GABBR2: variants seen among roughly 807,000 people sequenced by gnomAD.
GABBR2 encodes the protein G-protein coupled receptor 51.
A neutral mutation model predicts 105.6 loss-of-function variants in GABBR2; 23 were observed. That is an observed-to-expected ratio of 0.22 (90% CI 0.16 to 0.31). GABBR2 has a LOEUF of 0.31. GABBR2 is among the 10% of genes least tolerant of loss of function. The pLI is 1.00. For missense variants in GABBR2, 734 were observed against 1,245.5 expected, an observed-to-expected ratio of 0.59 and a Z score of 6.18; for synonymous variants, 478 against 499.7, an observed-to-expected ratio of 0.96 and a Z score of 0.58.
At chr9:98,468,470 C>T (rs939534771) in intron 6 of GABBR2, among the ~76,000 whole-genome samples, 1 of 151,990 alleles carries the variant, frequency 6.6e-6, no homozygotes, top group Non-Finnish European at 1.5e-5. Flanking sequence ...ATTTCAGGTA[C>T]AAAATTTAAA....
chr9:98,643,144 C>A (rs59673494), intron 1 of GABBR2, among the ~76,000 whole-genome samples: 12,615 of 152,260 alleles, frequency 0.083, 549 homozygotes, highest in African/African-American at 0.097. Context: ...CTGCCATGGG[C>A]AACTGCAGTT....
At chr9:98,686,298 G>A (rs1050452375) in intron 1 of GABBR2, among the ~76,000 whole-genome samples, 1 of 152,082 alleles carries the variant, frequency 6.6e-6, no homozygotes, top group Non-Finnish European at 1.5e-5. Flanking sequence ...GGTATGGCTC[G>A]CCACTGGTCC....
intron 1 of GABBR2, among the ~76,000 whole-genome samples, chr9:98,662,130 A>T (rs1458957255): frequency 6.6e-6 from 1 of 152,234 alleles, no homozygotes; most frequent in African/African-American, 2.4e-5. Flanking sequence ...TTTCCCAGGG[A>T]ATCCAACCTA....
At chr9:98,513,429 T>A (rs1046827270) in intron 3 of GABBR2, among the ~76,000 whole-genome samples, 14 of 152,014 alleles carry the variant, frequency 9.2e-5, no homozygotes, top group Non-Finnish European at 1.8e-4. Context: ...ACTAAAGAAC[T>A]TCTGCACAGC....
chr9:98,597,862 C>T (rs1456409156), intron 1 of GABBR2, among the ~76,000 whole-genome samples: 1 of 152,020 alleles, frequency 6.6e-6, no homozygotes, highest in Non-Finnish European at 1.5e-5. Flanking sequence ...CTCTGTCTCC[C>T]AGGCTGGAGT....
intron 7 of GABBR2, among the ~76,000 whole-genome samples, chr9:98,447,096 C>G (rs1826145344): frequency 7.8e-6 from 1 of 128,242 alleles, no homozygotes; most frequent in Non-Finnish European, 1.6e-5. Flanking sequence ...GAGTCTCGCT[C>G]TGTCGCCCAG....
chr9:98,460,642 A>G (rs1826407671), intron 6 of GABBR2, among the ~76,000 whole-genome samples: 1 of 152,174 alleles, frequency 6.6e-6, no homozygotes, highest in African/African-American at 2.4e-5. Flanking sequence ...AGAAATGAAC[A>G]TAAGAGATAC....
chr9:98,518,045 A>G (rs890959212), intron 3 of GABBR2, among the ~76,000 whole-genome samples: 2 of 152,214 alleles, frequency 1.3e-5, no homozygotes, highest in Non-Finnish European at 2.9e-5. Flanking sequence ...GAGGAGTCAG[A>G]AAGAAGGCGA....
At chr9:98,353,795 T>C (rs750092138) in intron 13 of GABBR2, among the ~76,000 whole-genome samples, 7 of 82,678 alleles carry the variant, frequency 8.5e-5, no homozygotes, top group Admixed American at 1.4e-4. Context: ...GTGGAGGTAA[T>C]TGGATCATGG....
chr9:98,506,812 C>A (rs1827521836), intron 3 of GABBR2, among the ~76,000 whole-genome samples: 1 of 152,150 alleles, frequency 6.6e-6, no homozygotes, highest in African/African-American at 2.4e-5. Flanking sequence ...GTCCAGCTGG[C>A]CTACATGGCA....
At chr9:98,469,269 G>A (rs13440136) in intron 6 of GABBR2, among the ~76,000 whole-genome samples, 4,063 of 152,214 alleles carry the variant, frequency 0.027, 174 homozygotes, top group African/African-American at 0.093. Context: ...CAAGGCAGAA[G>A]GAAAGAGAGA....
intron 16 of GABBR2, among the ~76,000 whole-genome samples, chr9:98,302,332 C>T (rs1830482914): frequency 1.3e-5 from 2 of 152,190 alleles, no homozygotes; most frequent in Non-Finnish European, 2.9e-5. Flanking sequence ...GTGAACAGGA[C>T]ATGCTGTCCA....
chr9:98,506,782 G>A (rs548427530), intron 3 of GABBR2, among the ~76,000 whole-genome samples: 1 of 152,288 alleles, frequency 6.6e-6, no homozygotes, highest in Non-Finnish European at 1.5e-5. Flanking sequence ...AGACCTCATG[G>A]CAGCTCCTAC....
intron 12 of GABBR2, among the ~76,000 whole-genome samples, chr9:98,369,750 G>A (rs1270881767): frequency 6.6e-6 from 1 of 152,136 alleles, no homozygotes; most frequent in Non-Finnish European, 1.5e-5. Context: ...CTGCAGAGGA[G>A]GTGTTGGTAA....
chr9:98,468,680 T>C lies in GABBR2; in HGVS notation c.999+4466A>G, dbSNP rs368966690. Among the ~76,000 whole-genome samples, 33 of 152,196 alleles carry C rather than the reference T, an allele frequency of 2.2e-4. No individual in the cohort carries two copies. In the East Asian group the frequency reaches 3.7e-3, roughly 17 times the overall value. On this transcript the variant is annotated intron_variant, in intron 6 of 18. Transcript: ENST00000259455. Reference sequence around the variant, plus strand: ...AACTCCACACCATAGTTACACAAAGTTAGAGAACTGAGCTGTGAAAGCACC... The same window carrying C: ...AACTCCACACCATAGTTACACAAAGCTAGAGAACTGAGCTGTGAAAGCACC...
chr9:98,459,871 A>G (rs770140750), intron 6 of GABBR2, among the ~76,000 whole-genome samples: 27 of 152,362 alleles, frequency 1.8e-4, no homozygotes, highest in African/African-American at 6.0e-4. Context: ...GCAATTTGCC[A>G]CTACTCTAAC....
chr9:98,446,458 T>C (rs1347602148), intron 7 of GABBR2, among the ~76,000 whole-genome samples: 1 of 152,220 alleles, frequency 6.6e-6, no homozygotes, highest in Non-Finnish European at 1.5e-5. Flanking sequence ...CTGTTTTTAC[T>C]TGACCTTTCA....
intron 7 of GABBR2, among the ~76,000 whole-genome samples, chr9:98,427,608 C>T (rs1022653890): frequency 6.6e-6 from 1 of 152,198 alleles, no homozygotes. Context: ...AGGGCTGGCC[C>T]GTGTAACTTG....
intron 3 of GABBR2, among the ~76,000 whole-genome samples, chr9:98,513,957 C>T (rs1827705847): frequency 6.6e-6 from 1 of 152,196 alleles, no homozygotes; most frequent in South Asian, 2.1e-4. Context: ...CACATGCACA[C>T]ATGTGTTTAT....
Sources: gnomAD v4.1 joint callset for allele counts (sites outside exome capture counted in the v4.1 genomes callset) on GRCh38, gnomAD v4.1.1 for gene constraint, MANE v1.5 for transcripts, NCBI Gene and HGNC (gene_info 2026-07-23, HGNC 2026-07-21) for gene names.